Variants in HMCN2 observed in about 807,000 individuals in gnomAD.
The protein encoded by HMCN2 is hemicentin-2.
Under a neutral mutation model 377.5 loss-of-function variants are expected in HMCN2, and 325 were observed. The observed-to-expected ratio is 0.86, with a 90% CI of 0.79 to 0.94. HMCN2 has a LOEUF of 0.94. Ranked by LOEUF, HMCN2 falls within the 40% of genes least tolerant of loss-of-function variation. HMCN2 has a pLI of 0.00. For missense variants in HMCN2, 4,543 were observed against 4,725.3 expected (o/e 0.96, Z 1.13); for synonymous variants, 2,007 against 2,046.8 (o/e 0.98, Z 0.53).
chr9:130,409,713 G>A (rs1473938843), intron 84 of HMCN2, among the ~76,000 whole-genome samples: 2 of 152,208 alleles, frequency 1.3e-5, no homozygotes, highest in Admixed American at 1.3e-4. Context: ...TTTTACAGAA[G>A]GGGTAACTGA....
intron 34 of HMCN2, 53 bp from the exon 35 acceptor site, chr9:130,357,781 C>T (rs1840122322): frequency 7.9e-7 from 1 of 1,259,368 alleles, no homozygotes. Flanking sequence ...TGGGTGCCCA[C>T]TGTACTCCTC....
At chr9:130,322,218 C>T (rs1837887923) in intron 19 of HMCN2, among the ~76,000 whole-genome samples, 3 of 152,102 alleles carry the variant, frequency 2.0e-5, no homozygotes, top group African/African-American at 7.2e-5. Context: ...TATATATATA[C>T]ACTATGTATA....
In HMCN2 at chr9:130,319,666, A is replaced by T; in HGVS notation, c.2522A>T (p.Gln841Leu). 1 of 152,012 alleles carries T rather than the reference A, an allele frequency of 6.6e-6. No individual in the cohort carries two copies. The allele number at this position is 152,012 out of a possible 1,614,324, so 9.4% of individuals were successfully genotyped here. Residue 841 changes from glutamine to leucine, a missense_variant, in exon 16 of 98, where the codon CAG (glutamine) becomes CTG (leucine). Physicochemically the swap from Gln to Leu is moderately radical, Grantham distance 113. This residue lies in a region of HMCN2 where 547 missense variants were observed against 189.9 expected (regional missense o/e 2.88). Coordinates refer to ENST00000683500, the MANE Select transcript of HMCN2 (RefSeq NM_001291815.2). ...GCCGGGCGAGGCAGTAGGTCTCGGCAGCCGGATTCGGGAGTGCTGTTCTTT... is the reference window on the plus strand; with the variant it reads ...GCCGGGCGAGGCAGTAGGTCTCGGCTGCCGGATTCGGGAGTGCTGTTCTTT... ...LGAGRGSRSR[Q>L]PDSGVLFFES...
chr9:130,396,243 G>A lies in HMCN2; in HGVS notation c.11128G>A (p.Ala3710Thr). The A allele has an allele frequency of 7.8e-7, 1 of 1,287,234 alleles. No individual in the cohort carries two copies. Among genetic ancestry groups the A allele is most frequent in the Non-Finnish European group, 1.0e-6 (1 of 986,676 alleles). The allele number at this position is 1,287,234 out of a possible 1,614,324, so 79.7% of individuals were successfully genotyped here. A position where few individuals can be genotyped will look rare whatever the true frequency, so the allele number is the denominator to read the frequency against. ...CCAGACAGCCCTGCTGCCTTGCCAGGCCGACGGCGTGCCCGCACCCCTCGT... is the reference window on the plus strand; with the variant it reads ...CCAGACAGCCCTGCTGCCTTGCCAGACCGACGGCGTGCCCGCACCCCTCGT... ...VNQTALLPCQ[A>T]DGVPAPLVSW... The change falls in exon 73 of 98, where the codon GCC (alanine) becomes ACC (threonine). Residue 3710 changes from alanine (A) to threonine (T), a missense_variant. Transcript: ENST00000683500.
intron 1 of HMCN2, among the ~76,000 whole-genome samples, chr9:130,278,006 C>CCACCACCAT (rs1834867045): frequency 2.6e-5 from 1 of 38,708 alleles, no homozygotes; most frequent in Admixed American, 2.7e-4. Flanking sequence ...ACCACCACCA[C>CCACCACCAT]CATCATCATC....
chr9:130,398,940 C>G (rs1842738231), intron 75 of HMCN2, among the ~76,000 whole-genome samples: 1 of 152,058 alleles, frequency 6.6e-6, no homozygotes, highest in Non-Finnish European at 1.5e-5. Flanking sequence ...TTATATCCAC[C>G]AGAGTCACTC....
intron 25 of HMCN2, among the ~76,000 whole-genome samples, chr9:130,344,547 A>G (rs1222768394): frequency 7.4e-6 from 1 of 134,682 alleles, no homozygotes; most frequent in African/African-American, 2.9e-5. Flanking sequence ...TGTATGTGGT[A>G]TGTGGTGTTT....
At chr9:130,278,211 G>A (rs1421478834) in intron 1 of HMCN2, among the ~76,000 whole-genome samples, 5 of 152,036 alleles carry the variant, frequency 3.3e-5, no homozygotes, top group African/African-American at 4.8e-5. Context: ...TGCAAGCTCC[G>A]CCTCCCAGGT....
chr9:130,342,702 G>T (rs1268768564), intron 25 of HMCN2, among the ~76,000 whole-genome samples: 1 of 152,152 alleles, frequency 6.6e-6, no homozygotes, highest in African/African-American at 2.4e-5. Context: ...ATGTGGACAA[G>T]TGTGACCCCT....
chr9:130,346,796 T>C (rs1839415116), intron 25 of HMCN2, among the ~76,000 whole-genome samples: 1 of 150,518 alleles, frequency 6.6e-6, no homozygotes, highest in South Asian at 2.1e-4. Context: ...CTCTGATCAC[T>C]GGAAAGTGGA....
rs1380911805 is a variant in HMCN2 at position 130,348,577 on chromosome 9, G to T, written c.4057G>T (p.Ala1353Ser). The change falls in exon 27 of 98, where the codon GCC (alanine) becomes TCC (serine). Residue 1353 changes from alanine (A) to serine (S), a missense_variant. This residue lies in a region of HMCN2 where 547 missense variants were observed against 189.9 expected (regional missense o/e 2.88). Coordinates refer to ENST00000683500, the MANE Select transcript of HMCN2 (RefSeq NM_001291815.2). ...PPSIREDGRK[A>S]NVSGMAGQSL... Reference sequence around the variant, plus strand: ...CAGCATCCGGGAGGACGGGCGCAAGGCCAACGTGTCGGGTATGGCCGGGCA... The same window carrying T: ...CAGCATCCGGGAGGACGGGCGCAAGTCCAACGTGTCGGGTATGGCCGGGCA... The T allele has an allele frequency of 3.1e-6, 4 of 1,304,162 alleles. No individual in the cohort carries two copies. The highest frequency in any genetic ancestry group is 4.0e-6 in the Non-Finnish European group (4 of 988,952). 80.8% of individuals were successfully genotyped at this position (1,304,162 alleles called of 1,614,324 possible).
intron 96 of HMCN2, 64 bp from the exon 97 acceptor site, chr9:130,432,365 C>T (rs547574635): frequency 3.3e-6 from 5 of 1,495,972 alleles, no homozygotes; most frequent in South Asian, 1.2e-5. Context: ...CCCACGCACT[C>T]CCCCCTTCTC....
At chr9:130,344,552 G>T (rs1839238834) in intron 25 of HMCN2, among the ~76,000 whole-genome samples, 1 of 150,276 alleles carries the variant, frequency 6.7e-6, no homozygotes, top group Non-Finnish European at 1.5e-5. Flanking sequence ...GTGGTATGTG[G>T]TGTTTGGTAT....
intron 14 of HMCN2, among the ~76,000 whole-genome samples, 159 bp from the exon 15 acceptor site, chr9:130,309,753 C>A (rs1554938234): frequency 6.6e-6 from 1 of 152,176 alleles, no homozygotes; most frequent in Non-Finnish European, 1.5e-5. Flanking sequence ...GGACTGGACC[C>A]AGGGGTCCTG....
intron 31 of HMCN2, among the ~76,000 whole-genome samples, chr9:130,353,432 G>C (rs566123756): frequency 6.5e-4 from 99 of 152,342 alleles, no homozygotes; most frequent in African/African-American, 2.4e-3. Flanking sequence ...CTGTCTAGGA[G>C]GCCATGGCGG....
chr9:130,413,114 T>G (rs1477466916), intron 85 of HMCN2, among the ~76,000 whole-genome samples: 1 of 152,254 alleles, frequency 6.6e-6, no homozygotes, highest in East Asian at 1.9e-4. Flanking sequence ...GATGCTATTT[T>G]GGGTGGAATT....
Position 130,295,044 on chromosome 9 carries a change from G to A in HMCN2, c.784+18G>A, listed in dbSNP as rs1554931521. ...TCCGCTGGGTATGGACCACCCCGGG[G>A]CTGGCCTCCTCTTTGGCCCCAAGAC... On this transcript the variant is annotated intron_variant, in intron 5 of 97. Transcript: ENST00000683500. 1 of 445,476 alleles carries A rather than the reference G, an allele frequency of 2.2e-6. No individual in the cohort carries two copies. The highest frequency in any genetic ancestry group is 2.5e-5 in the Admixed American group (1 of 40,170). The allele number at this position is 445,476 out of a possible 1,614,324, so 27.6% of individuals were successfully genotyped here. A position where few individuals can be genotyped will look rare whatever the true frequency, so the allele number is the denominator to read the frequency against.
chr9:130,323,699 T>A (rs943052235), intron 19 of HMCN2, among the ~76,000 whole-genome samples: 48 of 152,228 alleles, frequency 3.2e-4, no homozygotes, highest in African/African-American at 1.1e-3. Flanking sequence ...GCTTTTTTTT[T>A]TTTTATTTTA....
At chr9:130,350,425 C>T (rs1395720521) in intron 29 of HMCN2, among the ~76,000 whole-genome samples, 1 of 141,610 alleles carries the variant, frequency 7.1e-6, no homozygotes, top group African/African-American at 2.6e-5. Flanking sequence ...GGCATGGTGG[C>T]AGGCGCCTGT....
Sources: allele counts gnomAD v4.1 joint callset (sites outside exome capture counted in the v4.1 genomes callset), GRCh38; gene constraint gnomAD v4.1.1; regional missense constraint gnomAD v4.1.1; transcripts MANE v1.5; gene names NCBI Gene and HGNC (gene_info 2026-07-23, HGNC 2026-07-21).